SORCS2: variants seen among roughly 807,000 people sequenced by gnomAD.
SORCS2 encodes VPS10 domain-containing receptor SorCS2.
Under a neutral mutation model 141.6 loss-of-function variants are expected in SORCS2, and 100 were observed. The observed-to-expected ratio is 0.71, with a 90% CI of 0.60 to 0.83. The LOEUF is 0.83. Ranked by LOEUF, SORCS2 falls within the 40% of genes least tolerant of loss-of-function variation. SORCS2 has a pLI of 0.00. For synonymous variants in SORCS2, 789 were observed against 676.9 expected (o/e 1.17, Z -2.57); for missense variants, 1,646 against 1,560.2 (o/e 1.05, Z -0.93).
intron 3 of SORCS2, among the ~76,000 whole-genome samples, chr4:7,620,737 CCTT>C (rs1169221234): frequency 1.4e-4 from 22 of 152,330 alleles, no homozygotes; most frequent in Admixed American, 1.1e-3. Context: ...GAGCTCTTTG[CCTT>C]CTTCTTGCAG....
intron 1 of SORCS2, among the ~76,000 whole-genome samples, chr4:7,296,803 C>A (rs993376274): frequency 1.3e-5 from 2 of 152,178 alleles, no homozygotes; most frequent in Admixed American, 6.5e-5. Context: ...GACCCCCCAA[C>A]ACACATACAC....
At chr4:7,601,495 C>G (rs1418498909) in intron 3 of SORCS2, among the ~76,000 whole-genome samples, 1 of 151,346 alleles carries the variant, frequency 6.6e-6, no homozygotes, top group African/African-American at 2.4e-5. Context: ...GCTGCATGCC[C>G]GTAGTCCCAG....
At chr4:7,237,334 G>T (rs907057943) in intron 1 of SORCS2, among the ~76,000 whole-genome samples, 3 of 152,126 alleles carry the variant, frequency 2.0e-5, no homozygotes, top group Admixed American at 6.5e-5. Flanking sequence ...TATGCTCCTG[G>T]TGGCCTTCTG....
At chr4:7,427,347 C>T (rs922773691) in intron 2 of SORCS2, among the ~76,000 whole-genome samples, 1 of 152,248 alleles carries the variant, frequency 6.6e-6, no homozygotes, top group South Asian at 2.1e-4. Context: ...GGCCTGGGGC[C>T]TCGGGCAAGA....
intron 2 of SORCS2, among the ~76,000 whole-genome samples, chr4:7,516,586 G>T (rs566843626): frequency 1.3e-5 from 2 of 152,166 alleles, no homozygotes; most frequent in Non-Finnish European, 2.9e-5. Flanking sequence ...TGGGGGCGGT[G>T]CTGCTTTTCC....
chr4:7,443,418 C>A (rs917222127), intron 2 of SORCS2, among the ~76,000 whole-genome samples: 1 of 152,190 alleles, frequency 6.6e-6, no homozygotes, highest in African/African-American at 2.4e-5. Flanking sequence ...CCCTTCTGAG[C>A]GCACAGCCGC....
intron 1 of SORCS2, among the ~76,000 whole-genome samples, chr4:7,338,052 C>T (rs1358106479): frequency 6.6e-6 from 1 of 152,238 alleles, no homozygotes; most frequent in Non-Finnish European, 1.5e-5. Context: ...ATAGTGACAG[C>T]ATCAGGTCTG....
chr4:7,325,933 A>AG (rs1339436043), intron 1 of SORCS2, among the ~76,000 whole-genome samples: 1 of 151,852 alleles, frequency 6.6e-6, no homozygotes, highest in Non-Finnish European at 1.5e-5. Context: ...GTACAGGGGG[A>AG]GCCAAGAGAG....
At chr4:7,470,046 C>G (rs1729870665) in intron 2 of SORCS2, among the ~76,000 whole-genome samples, 1 of 152,196 alleles carries the variant, frequency 6.6e-6, no homozygotes, top group African/African-American at 2.4e-5. Context: ...CAGGGAAGTT[C>G]ATGGCCAAGG....
chr4:7,197,711 G>C lies in SORCS2; in HGVS notation c.480+4585G>C, dbSNP rs569758937. Among the ~76,000 whole-genome samples the C allele has an allele frequency of 6.6e-5, 10 of 152,238 alleles. No homozygotes were observed. In the South Asian group the frequency reaches 1.9e-3, roughly 28 times the overall value. On this transcript the variant is annotated intron_variant, in intron 1 of 26. Coordinates refer to ENST00000507866, the MANE Select transcript of SORCS2 (RefSeq NM_020777.3). The stretch of plus-strand genomic sequence containing the variant: ...GAGACAAACCATAGAAAAGAAGTTT[G>C]GAAAAAATAGATTAAAAAGTCAGCT...
chr4:7,564,279 C>A (rs4508882), intron 3 of SORCS2, among the ~76,000 whole-genome samples: 1 of 152,198 alleles, frequency 6.6e-6, no homozygotes, highest in Non-Finnish European at 1.5e-5. Context: ...GCCCCTGTGG[C>A]CCCCTCTAGG....
intron 10 of SORCS2, among the ~76,000 whole-genome samples, chr4:7,688,605 G>A (rs185173547): frequency 2.6e-5 from 4 of 152,284 alleles, no homozygotes; most frequent in African/African-American, 9.6e-5. Flanking sequence ...TTTTCATAAG[G>A]CCACACTGCC....
intron 3 of SORCS2, among the ~76,000 whole-genome samples, chr4:7,608,622 A>G (rs1718206134): frequency 6.6e-6 from 1 of 152,218 alleles, no homozygotes; most frequent in South Asian, 2.1e-4. Flanking sequence ...CAGGGCACTC[A>G]GTGACAGGGA....
At chr4:7,562,449 A>G (rs1714671420) in intron 3 of SORCS2, among the ~76,000 whole-genome samples, 1 of 152,138 alleles carries the variant, frequency 6.6e-6, no homozygotes, top group South Asian at 2.1e-4. Context: ...GGATAGTGAT[A>G]GGGAGTTTGG....
At chr4:7,623,625 C>T (rs1024116945) in intron 3 of SORCS2, among the ~76,000 whole-genome samples, 1 of 152,182 alleles carries the variant, frequency 6.6e-6, no homozygotes, top group Non-Finnish European at 1.5e-5. Context: ...CTGTCTCCTC[C>T]TCCCCATCCC....
chr4:7,349,405 A>G (rs904664642), intron 1 of SORCS2, among the ~76,000 whole-genome samples: 1 of 152,034 alleles, frequency 6.6e-6, no homozygotes, highest in Non-Finnish European at 1.5e-5. Context: ...GTGCCGCTGG[A>G]GCACAGGGCC....
At chr4:7,445,842 G>T (rs1167735272) in intron 2 of SORCS2, among the ~76,000 whole-genome samples, 1 of 152,114 alleles carries the variant, frequency 6.6e-6, no homozygotes, top group African/African-American at 2.4e-5. Flanking sequence ...TGCTTTTCCT[G>T]GTCAGAGCTG....
chr4:7,717,900 G>A, intron 17 of SORCS2, 112 bp from the exon 18 acceptor site: 1 of 1,179,432 alleles, frequency 8.5e-7, no homozygotes, highest in Non-Finnish European at 1.2e-6. Context: ...AGTCCTAGGG[G>A]TGGGAAGCCA....
chr4:7,573,458 T>C (rs1475164317), intron 3 of SORCS2, among the ~76,000 whole-genome samples: 1 of 152,224 alleles, frequency 6.6e-6, no homozygotes, highest in Non-Finnish European at 1.5e-5. Context: ...TCAGATAAAA[T>C]AGAGGCATAA....
Sources: gnomAD v4.1 joint callset for allele counts (sites outside exome capture counted in the v4.1 genomes callset) on GRCh38, gnomAD v4.1.1 for gene constraint, MANE v1.5 for transcripts, NCBI Gene and HGNC (gene_info 2026-07-23, HGNC 2026-07-21) for gene names.